Variants in SGSM2 observed in about 807,000 individuals in gnomAD.
SGSM2 encodes the protein small G protein signaling modulator 2.
Under a neutral mutation model 126.6 loss-of-function variants are expected in SGSM2, and 89 were observed. That is an observed-to-expected ratio of 0.70 (90% CI 0.59 to 0.84). The LOEUF (loss-of-function observed/expected upper bound fraction) is 0.84. Among genes scored for constraint, SGSM2 ranks in the 40% least tolerant of loss-of-function variants. SGSM2 has a pLI of 0.00. For missense variants in SGSM2, 1,404 were observed against 1,416.6 expected, an observed-to-expected ratio of 0.99 and a Z score of 0.14; for synonymous variants, 614 against 574.3, an observed-to-expected ratio of 1.07 and a Z score of -0.99.
intron 21 of SGSM2, chr17:2,377,498 A>ACAAAAAAAAAGAAAAAAAAAAAAAC (rs1407877395): frequency 1.1e-5 from 2 of 187,964 alleles, no homozygotes; most frequent in African/African-American, 4.8e-5. Context: ...AAAAAAAAAA[A>ACAAAAAAAAAGAAAAAAAAAAAAAC]AACCATGGTT....
chr17:2,358,412 G>A (rs1358045454), intron 2 of SGSM2, among the ~76,000 whole-genome samples: 1 of 152,150 alleles, frequency 6.6e-6, no homozygotes, highest in Non-Finnish European at 1.5e-5. Context: ...GTTTCTGCTC[G>A]ACTCAGAAGT....
Position 2,339,663 on chromosome 17 carries a change from G to A in SGSM2, c.57+1918G>A, listed in dbSNP as rs184855313. Reference sequence around the variant, plus strand: ...GCAGAGCTTGCAGTGAGCCCAGATCGTGCCACTGCACTCCAGCCTGGGCGA... The same window carrying A: ...GCAGAGCTTGCAGTGAGCCCAGATCATGCCACTGCACTCCAGCCTGGGCGA... On this transcript the variant is annotated intron_variant, in intron 1 of 23. Coordinates refer to ENST00000268989, the MANE Select transcript of SGSM2 (RefSeq NM_014853.3). Among the ~76,000 whole-genome samples the A allele has an allele frequency of 4.0e-5, 6 of 149,394 alleles. No homozygotes were observed. In the East Asian group the frequency reaches 7.9e-4, roughly 20 times the overall value.
At chr17:2,378,144 C>T (rs1279543875) in intron 22 of SGSM2, among the ~76,000 whole-genome samples, 191 bp downstream of exon 22, 3 of 152,210 alleles carry the variant, frequency 2.0e-5, no homozygotes, top group Non-Finnish European at 4.4e-5. Flanking sequence ...TTCTTAAATG[C>T]TCGCTGACCA....
At chr17:2,353,214 C>A (rs1011113821) in intron 2 of SGSM2, among the ~76,000 whole-genome samples, 1 of 152,028 alleles carries the variant, frequency 6.6e-6, no homozygotes, top group Non-Finnish European at 1.5e-5. Context: ...TAAGCAGAGC[C>A]CACATGCGCC....
intron 11 of SGSM2, among the ~76,000 whole-genome samples, chr17:2,365,669 G>A (rs2065536108): frequency 6.6e-6 from 1 of 152,062 alleles, no homozygotes. Context: ...AGTAGAAGGT[G>A]GGGAACCCTC....
At chr17:2,343,222 A>C (rs1449746243) in intron 1 of SGSM2, among the ~76,000 whole-genome samples, 1 of 152,178 alleles carries the variant, frequency 6.6e-6, no homozygotes, top group Non-Finnish European at 1.5e-5. Context: ...ATATCTGCCC[A>C]GAAGCCCTTC....
At chr17:2,366,978 C>G (rs886758690) in intron 11 of SGSM2, 2 of 364,826 alleles carry the variant, frequency 5.5e-6, no homozygotes, top group Admixed American at 4.1e-5. Flanking sequence ...CCAGCCCATC[C>G]CAGACAGTCC....
chr17:2,349,574 G>T (rs1001929889), intron 2 of SGSM2, among the ~76,000 whole-genome samples: 1 of 152,060 alleles, frequency 6.6e-6, no homozygotes, highest in African/African-American at 2.4e-5. Flanking sequence ...ATAAGTGCAT[G>T]TTTTTAAGAG....
Position 2,369,758 on chromosome 17 carries a change from C to T in SGSM2, c.1424-1504C>T, listed in dbSNP as rs186632762. Among the ~76,000 whole-genome samples the T allele has an allele frequency of 1.2e-3, 185 of 152,022 alleles. 1 individual carries two copies. The highest frequency in any genetic ancestry group is 4.1e-3 in the African/African-American group (170 of 41,438). ...TGCCTGGCTGGGCCTCTTCCCACCC[C>T]GGCTCCTCCCGGGACTGTCCTCTTC... On this transcript the variant is annotated intron_variant, in intron 12 of 23. Transcript: ENST00000268989.
rs759766816 is a variant in SGSM2, at chr17:2,373,082, G to T, written c.1917+1G>T. ...CATGAGCAAGAAGGAGATGGAGCAG[G>T]TGAGGGGAGCCTGTTCCCATGGGGC... On this transcript the variant is annotated splice_donor_variant, in intron 16 of 23. Coordinates refer to ENST00000268989, the MANE Select transcript of SGSM2 (RefSeq NM_014853.3). LOFTEE classifies it high-confidence loss of function. 5 of 1,606,346 alleles carry T rather than the reference G, an allele frequency of 3.1e-6. No individual in the cohort carries two copies. In the Admixed American group the frequency reaches 8.5e-5, roughly 27 times the overall value.
rs150812956 is a variant in SGSM2, at chr17:2,373,006, C to G, written c.1842C>G (p.His614Gln). 4 of 1,596,150 alleles carry G rather than the reference C, an allele frequency of 2.5e-6. No homozygotes were observed. The African/African-American group carries it at 5.4e-5, about 21-fold the overall frequency. Residue 614 changes from histidine to glutamine, a missense_variant, in exon 16 of 24, where the codon CAC becomes CAG. By Grantham distance (24) the His-to-Gln change is conservative (BLOSUM62 0). Transcript: ENST00000268989. ...AAGTTTACTACGGAGGCATAGAGCA[C>G]GAGATCCGCAAGGACGTCTGGCCCT... is the stretch of plus-strand genomic sequence containing the variant. ...LRQVYYGGIE[H>Q]EIRKDVWPFL...
intron 1 of SGSM2, among the ~76,000 whole-genome samples, chr17:2,340,542 C>T (rs891230686): frequency 3.9e-5 from 6 of 152,036 alleles, no homozygotes; most frequent in African/African-American, 1.4e-4. Flanking sequence ...CAAAAGTTGA[C>T]CTGCTCTGAA....
In SGSM2 at chr17:2,354,338, G is replaced by A. The variant is rs145897004; in HGVS notation, c.134-7299G>A. 7.1e-3 allele frequency among the ~76,000 whole-genome samples: 1,085 copies of A among 152,258 alleles called. 9 individuals are homozygous for A. The highest frequency in any genetic ancestry group is 0.012 in the Non-Finnish European group (823 of 67,996). On this transcript the variant is annotated intron_variant, in intron 2 of 23. Coordinates refer to ENST00000268989, the MANE Select transcript of SGSM2 (RefSeq NM_014853.3). ...GCTGGGATTACAGGCGTGAGCCACC[G>A]CGCCCAGCCAAGTTTTTTATACTAA... is the stretch of plus-strand genomic sequence containing the variant.
In SGSM2 at chr17:2,337,899, C is replaced by T. The variant is rs1389107369; in HGVS notation, c.57+154C>T. 1.3e-5 allele frequency among the ~76,000 whole-genome samples: 2 copies of T among 151,910 alleles called. No homozygotes were observed. The highest frequency in any genetic ancestry group is 4.8e-5 in the African/African-American group (2 of 41,410). On this transcript the variant is annotated intron_variant, in intron 1 of 23. Transcript: ENST00000268989. This position sits in a 1 kb window ranked among gnomAD's most constrained non-coding sequence, Gnocchi z 5.1. ...GACGGGCTGCGCCTCCTTCCCCTTT[C>T]TCGGATGGGGGAGGGCAGCGCCCCT...
chr17:2,377,613 A>G, intron 21 of SGSM2: 1 of 359,886 alleles, frequency 2.8e-6, no homozygotes. Context: ...CACCCAGAAA[A>G]TCCTATAACC....
At chr17:2,349,598 A>T (rs1341503685) in intron 2 of SGSM2, among the ~76,000 whole-genome samples, 1 of 152,278 alleles carries the variant, frequency 6.6e-6, no homozygotes, top group East Asian at 1.9e-4. Context: ...TCTTTCAGAG[A>T]TAAATATATA....
chr17:2,362,970 G>A lies in SGSM2; in HGVS notation c.527-19G>A, dbSNP rs367579380. 114 of 1,613,922 alleles carry A rather than the reference G, an allele frequency of 7.1e-5. No homozygotes were observed. The highest frequency in any genetic ancestry group is 9.4e-5 in the Non-Finnish European group (111 of 1,180,012). On this transcript the variant is annotated intron_variant, in intron 5 of 23. Coordinates refer to ENST00000268989, the MANE Select transcript of SGSM2 (RefSeq NM_014853.3). The surrounding 1 kb of genome is among the most constrained non-coding windows in gnomAD (Gnocchi z 4.9). ...TGCTGAGGGAGCATCGTCTGGGCTG[G>A]CTGTCTCTGTCTCCACAGTGGGACC...
At chr17:2,365,183 T>G (rs776376735) in intron 10 of SGSM2, 32 bp from the exon 11 acceptor site, 8 of 1,599,626 alleles carry the variant, frequency 5.0e-6, no homozygotes, top group Non-Finnish European at 8.5e-7. Flanking sequence ...CTCTGCCCTA[T>G]ACAGCCCGAC....
At position 2,367,377 on chromosome 17, in the gene SGSM2, G is replaced by A; in HGVS notation, c.1395G>A (p.Arg465=). 6.2e-7 allele frequency: 1 copy of A among 1,614,038 alleles called. No homozygotes were observed. The highest frequency in any genetic ancestry group is 8.5e-7 in the Non-Finnish European group (1 of 1,179,970). Residue 465 remains arginine, a synonymous_variant, in exon 12 of 24, where the codon CGG becomes CGA. Transcript: ENST00000268989. The surrounding 1 kb of genome is among the most constrained non-coding windows in gnomAD (Gnocchi z 4.0). ...LHAMLSMICS[R]NLTAPNPMKD... The stretch of plus-strand genomic sequence containing the variant: ...CGATGCTCTCAATGATCTGCTCGCG[G>A]AACCTCACAGCTCCCAATCCGATGA...
Sources: allele counts gnomAD v4.1 joint callset (sites outside exome capture counted in the v4.1 genomes callset), GRCh38; gene constraint gnomAD v4.1.1; non-coding constraint Gnocchi (gnomAD v3.1); transcripts MANE v1.5; gene names NCBI Gene and HGNC (gene_info 2026-07-23, HGNC 2026-07-21).